Variants in GSR observed in about 807,000 individuals in gnomAD.
The protein encoded by GSR is glutathione-disulfide reductase, also known as glutathione reductase, mitochondrial.
In GSR, 48 loss-of-function variants were observed where a neutral mutation model predicts 56.5. That is an observed-to-expected ratio of 0.85 (90% CI 0.67 to 1.08). The LOEUF (loss-of-function observed/expected upper bound fraction) is 1.08. Ranked by LOEUF, GSR falls within the 50% of genes least tolerant of loss-of-function variation. The probability of loss-of-function intolerance (pLI) is 0.00; values close to 1 mark genes in which losing one functional copy is unlikely to be tolerated. For missense variants in GSR, 694 were observed against 703.3 expected, an observed-to-expected ratio of 0.99 and a Z score of 0.15; for synonymous variants, 264 against 270.8, an observed-to-expected ratio of 0.97 and a Z score of 0.25.
At position 30,700,138 on chromosome 8, in the gene GSR, A is replaced by G. The variant is rs1803680911; in HGVS notation, c.641-3T>C. The G allele has an allele frequency of 6.2e-7, 1 of 1,609,976 alleles. No individual in the cohort carries two copies. The highest frequency in any genetic ancestry group is 1.3e-5 in the African/African-American group (1 of 74,976). On this transcript the variant is annotated splice_region_variant and splice_polypyrimidine_tract_variant and intron_variant, in intron 5 of 12. Transcript: ENST00000221130. ...GCTGGTTATTCCTAAGCTGGCACCTATGTAGAAAAAGGCAACATAGATCAC... is the reference window on the plus strand; with the variant it reads ...GCTGGTTATTCCTAAGCTGGCACCTGTGTAGAAAAAGGCAACATAGATCAC...
chr8:30,684,341 G>A (rs566670874), intron 9 of GSR, 142 bp from the exon 10 acceptor site: 6 of 722,906 alleles, frequency 8.3e-6, no homozygotes, highest in East Asian at 2.6e-5. Context: ...GCTGCAACAC[G>A]AAAGGCATTT....
intron 1 of GSR, among the ~76,000 whole-genome samples, chr8:30,712,369 T>G (rs1226613092): frequency 6.6e-6 from 1 of 152,200 alleles, no homozygotes; most frequent in Non-Finnish European, 1.5e-5. Context: ...GGGAAAGTAC[T>G]GCAGAATACA....
At chr8:30,714,953 G>C (rs1804278656) in intron 1 of GSR, among the ~76,000 whole-genome samples, 1 of 152,144 alleles carries the variant, frequency 6.6e-6, no homozygotes, top group Non-Finnish European at 1.5e-5. Flanking sequence ...TCATGGCAGA[G>C]TATCACAAGT....
intron 1 of GSR, among the ~76,000 whole-genome samples, chr8:30,727,266 A>G (rs1011247439): frequency 2.0e-5 from 3 of 152,210 alleles, no homozygotes; most frequent in African/African-American, 7.2e-5. Context: ...AGGAAGGTTA[A>G]TCTAACCCGC....
chr8:30,712,395 G>A (rs1804182208), intron 1 of GSR, among the ~76,000 whole-genome samples: 1 of 152,154 alleles, frequency 6.6e-6, no homozygotes, highest in Non-Finnish European at 1.5e-5. Context: ...AAACACCCAA[G>A]ATGGGCCAGG....
At chr8:30,682,823 A>G (rs2128737192) in intron 10 of GSR, among the ~76,000 whole-genome samples, 1 of 151,144 alleles carries the variant, frequency 6.6e-6, no homozygotes, top group Non-Finnish European at 1.5e-5. Context: ...TATCATTATT[A>G]TTATATTATT....
At chr8:30,696,311 A>G (rs1004439794) in intron 7 of GSR, 69 bp downstream of exon 7, 1 of 1,089,400 alleles carries the variant, frequency 9.2e-7, no homozygotes, top group Non-Finnish European at 1.4e-6. Context: ...TTTAACGACA[A>G]CATAAGAAAA....
At chr8:30,686,109 A>G (rs1803152887) in intron 9 of GSR, among the ~76,000 whole-genome samples, 1 of 151,982 alleles carries the variant, frequency 6.6e-6, no homozygotes, top group South Asian at 2.1e-4. Flanking sequence ...TTATCAACAA[A>G]TATTTAAGCT....
At chr8:30,689,061 C>A in intron 9 of GSR, 100 bp downstream of exon 9, 1 of 928,568 alleles carries the variant, frequency 1.1e-6, no homozygotes, top group Non-Finnish European at 1.8e-6. Context: ...AGAAAAGAAT[C>A]CAATGGAATC....
intron 1 of GSR, among the ~76,000 whole-genome samples, chr8:30,716,338 AAC>A (rs1209305203): frequency 6.6e-6 from 1 of 152,208 alleles, no homozygotes; most frequent in African/African-American, 2.4e-5. Flanking sequence ...GCCCCAGCAC[AAC>A]ACACTTTGGG....
In GSR at chr8:30,705,997, G is replaced by C. The variant is rs192095330; in HGVS notation, c.492+2075C>G. ...AATATGCTGCTACTGAGATCACAGTGGCCTAATTATCATCAAGAATCTACT... is the reference window on the plus strand; with the variant it reads ...AATATGCTGCTACTGAGATCACAGTCGCCTAATTATCATCAAGAATCTACT... On this transcript the variant is annotated intron_variant, in intron 4 of 12. Coordinates refer to ENST00000221130, the MANE Select transcript of GSR (RefSeq NM_000637.5). Among the ~76,000 whole-genome samples, 597 of 152,102 alleles carry C rather than the reference G, an allele frequency of 3.9e-3. 2 individuals carry two copies. The highest frequency in any genetic ancestry group is 6.3e-3 in the Non-Finnish European group (428 of 67,988).
rs1188770447 is a variant in GSR, at chr8:30,708,058, C to T, written c.492+14G>A. On this transcript the variant is annotated intron_variant, in intron 4 of 12. Transcript: ENST00000221130. ...AACAGCTCTTTCTCAAAGTTAAAAA[C>T]CCAGCATACACACCTTGGTGAGATT... The T allele has an allele frequency of 1.9e-6, 3 of 1,595,270 alleles. No homozygotes were observed. Among genetic ancestry groups the T allele is most frequent in the Non-Finnish European group, 2.6e-6 (3 of 1,162,868 alleles).
intron 8 of GSR, among the ~76,000 whole-genome samples, chr8:30,689,670 G>C (rs1803291569): frequency 6.6e-6 from 1 of 150,830 alleles, no homozygotes; most frequent in African/African-American, 2.4e-5. Context: ...TTGAAAGTAG[G>C]CCACGGCAGC....
intron 4 of GSR, among the ~76,000 whole-genome samples, chr8:30,706,580 T>C (rs1803929653): frequency 1.3e-5 from 2 of 151,768 alleles, no homozygotes; most frequent in South Asian, 2.1e-4. Context: ...CAAAGACAAA[T>C]GAAGGGTGGC....
intron 1 of GSR, among the ~76,000 whole-genome samples, chr8:30,725,351 T>G (rs2343688): frequency 0.62 from 93,602 of 151,500 alleles, 34,850 homozygotes; most frequent in Non-Finnish European, 0.81. Context: ...TTTGGGAGGC[T>G]GAGGTGAGCG....
rs8191004 is a variant in GSR, at chr8:30,689,311, C to G, written c.891G>C (p.Glu297Asp). ...VEVLKFSQVK[E>D]VKKTLSGLEV... ...CCAAGCCCGACAAAGTCTTTTTAAC[C>G]TCCTTGACCTATTGGCAAATAAAAT... is the stretch of plus-strand genomic sequence containing the variant. Residue 297 changes from glutamate to aspartate, a missense_variant, in exon 9 of 13, where the codon GAG (glutamate) becomes GAC (aspartate). By Grantham distance (45) the Glu-to-Asp change is conservative (BLOSUM62 2). Coordinates refer to ENST00000221130, the MANE Select transcript of GSR (RefSeq NM_000637.5). The G allele has an allele frequency of 2.5e-6, 4 of 1,613,850 alleles. No homozygotes were observed. The highest frequency in any genetic ancestry group is 3.3e-5 in the Admixed American group (2 of 60,012).
At chr8:30,713,234 G>A (rs1373890317) in intron 1 of GSR, among the ~76,000 whole-genome samples, 1 of 152,042 alleles carries the variant, frequency 6.6e-6, no homozygotes, top group African/African-American at 2.4e-5. Context: ...ATGGGGTTTT[G>A]CCATGTTGGC....
intron 1 of GSR, among the ~76,000 whole-genome samples, chr8:30,716,829 T>C (rs1319858147): frequency 6.6e-6 from 1 of 151,688 alleles, no homozygotes. Context: ...TACACTTAGT[T>C]CCAGTGAGAG....
chr8:30,722,375 A>G (rs1166235899), intron 1 of GSR, among the ~76,000 whole-genome samples: 2 of 152,304 alleles, frequency 1.3e-5, no homozygotes, highest in Non-Finnish European at 1.5e-5. Flanking sequence ...TCAATATTGC[A>G]GGAACTGATG....
Sources: allele counts gnomAD v4.1 joint callset (sites outside exome capture counted in the v4.1 genomes callset), GRCh38; gene constraint gnomAD v4.1.1; transcripts MANE v1.5; gene names NCBI Gene and HGNC (gene_info 2026-07-23, HGNC 2026-07-21).